Variants in GPR158 observed in about 807,000 individuals in gnomAD.
GPR158 encodes the protein metabotropic glycine receptor.
GPR158 carries 30 observed loss-of-function variants against 78.2 expected under a neutral mutation model. The ratio of observed to expected loss-of-function variants is 0.38; its 90% CI spans 0.29 to 0.52. The LOEUF (loss-of-function observed/expected upper bound fraction) is 0.52. Among genes scored for constraint, GPR158 ranks in the 20% least tolerant of loss-of-function variants. GPR158 has a pLI of 0.83. For synonymous variants in GPR158, 581 were observed against 591.1 expected, an observed-to-expected ratio of 0.98 and a Z score of 0.25; for missense variants, 1,463 against 1,523.5, an observed-to-expected ratio of 0.96 and a Z score of 0.66.
intron 2 of GPR158, chr10:25,393,895 TATCTA>T (rs763168215): frequency 3.9e-5 from 6 of 152,346 alleles, no homozygotes; most frequent in African/African-American, 1.4e-4. Flanking sequence ...GATTTAGTCT[TATCTA>T]ATCTCACGGA....
chr10:25,455,347 T>A (rs892812122), intron 4 of GPR158, among the ~76,000 whole-genome samples: 4 of 152,210 alleles, frequency 2.6e-5, no homozygotes, highest in Non-Finnish European at 5.9e-5. Flanking sequence ...CAGCTTTTGA[T>A]AAGGTTAAAC....
intron 2 of GPR158, among the ~76,000 whole-genome samples, chr10:25,337,960 GT>G (rs1465347300): frequency 6.6e-6 from 1 of 151,822 alleles, no homozygotes; most frequent in Non-Finnish European, 1.5e-5. Flanking sequence ...TATTTCGACT[GT>G]TTTTTAAAAT....
chr10:25,351,083 A>G (rs922695815), intron 2 of GPR158, among the ~76,000 whole-genome samples: 3 of 152,006 alleles, frequency 2.0e-5, no homozygotes, highest in Admixed American at 6.6e-5. Context: ...ACACCTATAC[A>G]GCCTGTGAGC....
chr10:25,501,591 C>T (rs926969855), intron 5 of GPR158, among the ~76,000 whole-genome samples: 1 of 152,136 alleles, frequency 6.6e-6, no homozygotes, highest in Non-Finnish European at 1.5e-5. Context: ...GGAAAACAGT[C>T]TGAAAACTGC....
intron 2 of GPR158, among the ~76,000 whole-genome samples, chr10:25,251,520 ATC>A (rs1267155486): frequency 6.7e-6 from 1 of 149,370 alleles, no homozygotes; most frequent in Non-Finnish European, 1.5e-5. Flanking sequence ...TGGTGACAAA[ATC>A]TCTCAGCATT....
intron 5 of GPR158, among the ~76,000 whole-genome samples, chr10:25,489,952 TACAC>T (rs1395920962): frequency 3.6e-4 from 55 of 152,294 alleles, no homozygotes; most frequent in Non-Finnish European, 4.4e-5. Flanking sequence ...TACTGACTAG[TACAC>T]AGACAGCAAG....
chr10:25,540,112 C>T (rs984408761), intron 5 of GPR158, among the ~76,000 whole-genome samples: 2 of 151,996 alleles, frequency 1.3e-5, no homozygotes, highest in Admixed American at 6.6e-5. Context: ...AAGAAACAAC[C>T]CCATCAATAA....
chr10:25,492,234 G>C (rs1161299588), intron 5 of GPR158, among the ~76,000 whole-genome samples: 1 of 152,098 alleles, frequency 6.6e-6, no homozygotes, highest in African/African-American at 2.4e-5. Context: ...ATTCATTAAG[G>C]ATCCACCTGC....
intron 2 of GPR158, among the ~76,000 whole-genome samples, chr10:25,239,726 C>A (rs547875509): frequency 1.7e-3 from 261 of 152,194 alleles, no homozygotes; most frequent in Middle Eastern, 0.01. Flanking sequence ...TTGTCTCTTT[C>A]CTTCAGTGCA....
At chr10:25,240,156 T>C (rs1853583925) in intron 2 of GPR158, among the ~76,000 whole-genome samples, 1 of 152,046 alleles carries the variant, frequency 6.6e-6, no homozygotes, top group African/African-American at 2.4e-5. Context: ...GACAAAATTA[T>C]TCTGTTCAAA....
intron 2 of GPR158, among the ~76,000 whole-genome samples, chr10:25,373,170 A>G (rs1209432089): frequency 7.2e-5 from 11 of 151,938 alleles, no homozygotes; most frequent in Admixed American, 6.6e-4. Context: ...GCTGGAGGCC[A>G]TTATCCCTAG....
intron 5 of GPR158, among the ~76,000 whole-genome samples, chr10:25,537,402 G>A (rs1836514775): frequency 6.6e-6 from 1 of 152,010 alleles, no homozygotes; most frequent in Non-Finnish European, 1.5e-5. Context: ...CTAAGCACCT[G>A]TAACAGATAT....
chr10:25,175,652 G>A lies in GPR158; in HGVS notation c.232G>A (p.Val78Met). ...TILAQKLAEE[V>M]PMDVASYLYT... ...CTTGGCGCAGAAACTCGCCGAGGAG[G>A]TGCCCATGGACGTGGCCTCTTACCT... The change falls in exon 1 of 11, where the codon GTG becomes ATG. Residue 78 changes from valine (V) to methionine (M), a missense_variant. Physicochemically the swap from Val to Met is conservative, Grantham distance 21 (BLOSUM62 1). Transcript: ENST00000376351. The surrounding 1 kb of genome is among the most constrained non-coding windows in gnomAD (Gnocchi z 6.4). The A allele has an allele frequency of 6.2e-7, 1 of 1,611,464 alleles. No individual in the cohort carries two copies. Among genetic ancestry groups the A allele is most frequent in the Non-Finnish European group, 8.5e-7 (1 of 1,179,942 alleles).
chr10:25,495,149 C>G (rs1163974622), intron 5 of GPR158, among the ~76,000 whole-genome samples: 1 of 137,828 alleles, frequency 7.3e-6, no homozygotes, highest in Non-Finnish European at 1.6e-5. Flanking sequence ...AATCCACTAA[C>G]TTTTTTTTTT....
At chr10:25,533,030 A>T (rs1229549223) in intron 5 of GPR158, among the ~76,000 whole-genome samples, 1 of 152,254 alleles carries the variant, frequency 6.6e-6, no homozygotes, top group African/African-American at 2.4e-5. Context: ...TTTAATTACC[A>T]TAGTGAACCT....
intron 2 of GPR158, among the ~76,000 whole-genome samples, chr10:25,226,915 C>G (rs751952401): frequency 6.6e-6 from 1 of 152,132 alleles, no homozygotes; most frequent in Non-Finnish European, 1.5e-5. Flanking sequence ...TGTTAGCTAC[C>G]TTCTAAGTCT....
At chr10:25,575,018 G>T (rs1250995431) in intron 7 of GPR158, among the ~76,000 whole-genome samples, 1 of 147,390 alleles carries the variant, frequency 6.8e-6, no homozygotes, top group African/African-American at 2.5e-5. Context: ...AGTGAGCTGA[G>T]ATCACACCAC....
At chr10:25,304,313 G>A (rs1383609651) in intron 2 of GPR158, among the ~76,000 whole-genome samples, 1 of 152,066 alleles carries the variant, frequency 6.6e-6, no homozygotes, top group East Asian at 1.9e-4. Flanking sequence ...ACAGGGTTTT[G>A]TGAGATATAA....
chr10:25,513,554 T>G (rs965267233), intron 5 of GPR158, among the ~76,000 whole-genome samples: 11 of 152,048 alleles, frequency 7.2e-5, no homozygotes, highest in African/African-American at 2.7e-4. Context: ...TCTTTTCTTC[T>G]GCTGAGTTTG....
Sources: allele counts gnomAD v4.1 joint callset (sites outside exome capture counted in the v4.1 genomes callset), GRCh38; gene constraint gnomAD v4.1.1; non-coding constraint Gnocchi (gnomAD v3.1); transcripts MANE v1.5; gene names NCBI Gene and HGNC (gene_info 2026-07-23, HGNC 2026-07-21).